Variants in NPSR1 observed in about 807,000 individuals in gnomAD.
The protein encoded by NPSR1 is neuropeptide S receptor.
In NPSR1, 48 loss-of-function variants were observed where a neutral mutation model predicts 46.9. The observed-to-expected ratio is 1.02, with a 90% confidence interval of 0.81 to 1.30. NPSR1 has a LOEUF of 1.30. Ranked by LOEUF, NPSR1 falls within the 50% of genes most tolerant of loss-of-function variation. The probability of loss-of-function intolerance (pLI) is 0.00; values close to 1 mark genes in which losing one functional copy is unlikely to be tolerated. For synonymous variants in NPSR1, 176 were observed against 168.1 expected (o/e 1.05, Z -0.36); for missense variants, 450 against 449.5 (o/e 1.00, Z -0.01).
At chr7:34,660,091 C>A (rs765051447) in intron 1 of NPSR1, 6 of 456,340 alleles carry the variant, frequency 1.3e-5, no homozygotes, top group South Asian at 9.3e-5. Flanking sequence ...TCCCACCTTG[C>A]TCTCTATGAG....
intron 2 of NPSR1, among the ~76,000 whole-genome samples, chr7:34,689,530 A>G (rs913557449): frequency 1.2e-4 from 16 of 133,110 alleles, no homozygotes; most frequent in Admixed American, 9.4e-4. Flanking sequence ...GCATGACCCC[A>G]GGAGGTGGAG....
chr7:34,741,152 G>A (rs150996700), intron 2 of NPSR1, among the ~76,000 whole-genome samples: 85 of 152,244 alleles, frequency 5.6e-4, no homozygotes, highest in Non-Finnish European at 1.0e-3. Context: ...TAGTAACATG[G>A]TGTCTTGGTA....
chr7:34,845,071 G>T (rs1790696772), intron 7 of NPSR1, 89 bp downstream of exon 7: 13 of 848,266 alleles, frequency 1.5e-5, no homozygotes, highest in Admixed American at 8.6e-5. Context: ...AAAGGAATTT[G>T]CCAGCAGGCA....
intron 8 of NPSR1, among the ~76,000 whole-genome samples, chr7:34,873,551 T>C (rs555281225): frequency 1.3e-5 from 2 of 151,670 alleles, no homozygotes; most frequent in Admixed American, 6.6e-5. Context: ...GAGGAGCCAA[T>C]GTGTCACATG....
At chr7:34,701,996 A>G (rs1793852185) in intron 2 of NPSR1, among the ~76,000 whole-genome samples, 1 of 152,192 alleles carries the variant, frequency 6.6e-6, no homozygotes, top group Non-Finnish European at 1.5e-5. Flanking sequence ...TAAGTTCATA[A>G]GGATTTATTT....
rs556648363 is a variant in NPSR1, at chr7:34,829,125, G to A, written c.680+1523G>A. ...GTCTAATAAAATACTATAGCTGGGAGAAACGTTATCCATCATATGGTCAAA... is the reference window on the plus strand; with the variant it reads ...GTCTAATAAAATACTATAGCTGGGAAAAACGTTATCCATCATATGGTCAAA... On this transcript the variant is annotated intron_variant, in intron 5 of 8. Coordinates refer to ENST00000360581, the MANE Select transcript of NPSR1 (RefSeq NM_207172.2). 2.0e-3 allele frequency among the ~76,000 whole-genome samples: 298 copies of A among 152,246 alleles called. 3 individuals are homozygous for A. The highest frequency in any genetic ancestry group is 6.9e-3 in the African/African-American group (285 of 41,536).
At chr7:34,689,620 A>AAAAAAG (rs1554306724) in intron 2 of NPSR1, among the ~76,000 whole-genome samples, 38 of 126,274 alleles carry the variant, frequency 3.0e-4, no homozygotes, top group African/African-American at 5.2e-4. Context: ...AAAAAAAAAA[A>AAAAAAG]AAAAAAAAAA....
chr7:34,684,641 GAAGTC>G lies in NPSR1; in HGVS notation c.241_245del (p.Ser81AsnfsTer25). 6.2e-6 allele frequency: 10 copies of G among 1,613,714 alleles called. No individual in the cohort carries two copies. Among genetic ancestry groups the G allele is most frequent in the Non-Finnish European group, 8.5e-6 (10 of 1,179,836 alleles). ...TTTTTTCCACATGGAGGAGAAAGAA[GAAGTC>G]AAGAATGACCTTCTTTGTGACTCAG... On this transcript the variant is annotated frameshift_variant, in exon 2 of 9. Coordinates refer to ENST00000360581, the MANE Select transcript of NPSR1 (RefSeq NM_207172.2). LOFTEE classifies it high-confidence loss of function.
intron 8 of NPSR1, among the ~76,000 whole-genome samples, chr7:34,856,267 A>G (rs1007676857): frequency 1.3e-5 from 2 of 151,892 alleles, no homozygotes; most frequent in South Asian, 2.1e-4. Flanking sequence ...ATACAGATAA[A>G]TTATTAGAAT....
At chr7:34,845,615 C>G (rs913878638) in intron 7 of NPSR1, 2 of 455,614 alleles carry the variant, frequency 4.4e-6, no homozygotes, top group African/African-American at 4.0e-5. Flanking sequence ...TATCCTTTTT[C>G]TAGTCTTTAC....
At chr7:34,798,445 G>C (rs1007788819) in intron 3 of NPSR1, among the ~76,000 whole-genome samples, 5 of 152,098 alleles carry the variant, frequency 3.3e-5, no homozygotes, top group South Asian at 4.2e-4. Context: ...TGAAGCAGGA[G>C]AATCTCTTGA....
intron 4 of NPSR1, among the ~76,000 whole-genome samples, chr7:34,814,440 A>G (rs1789144064): frequency 6.6e-6 from 1 of 152,240 alleles, no homozygotes; most frequent in Non-Finnish European, 1.5e-5. Context: ...TACTGCCTCT[A>G]TAGGCTCCAC....
chr7:34,796,397 C>T (rs1788172450), intron 3 of NPSR1, among the ~76,000 whole-genome samples: 2 of 151,988 alleles, frequency 1.3e-5, no homozygotes. Context: ...AAGCAAACCA[C>T]AGACTAAAGA....
At chr7:34,815,977 G>A (rs560609340) in intron 4 of NPSR1, among the ~76,000 whole-genome samples, 1 of 152,216 alleles carries the variant, frequency 6.6e-6, no homozygotes, top group South Asian at 2.1e-4. Flanking sequence ...AAATTGTAAA[G>A]ACCATTGATG....
At chr7:34,873,261 C>T (rs1002750963) in intron 8 of NPSR1, among the ~76,000 whole-genome samples, 4 of 151,838 alleles carry the variant, frequency 2.6e-5, no homozygotes, top group African/African-American at 9.7e-5. Context: ...TTCCTGTCTT[C>T]TTCTGAAACC....
At chr7:34,735,410 G>T (rs324392) in intron 2 of NPSR1, among the ~76,000 whole-genome samples, 3,284 of 151,164 alleles carry the variant, frequency 0.022, 109 homozygotes, top group African/African-American at 0.072. Context: ...CATCTCTCTT[G>T]TTTATTATCC....
intron 2 of NPSR1, among the ~76,000 whole-genome samples, chr7:34,706,445 T>A (rs997633790): frequency 1.3e-5 from 2 of 152,186 alleles, no homozygotes; most frequent in Non-Finnish European, 2.9e-5. Flanking sequence ...GTGGGAAGAA[T>A]AATTTATACT....
rs1019577238 is a variant in NPSR1, at chr7:34,780,600, G to C, written c.384+2035G>C. On this transcript the variant is annotated intron_variant, in intron 3 of 8. Coordinates refer to ENST00000360581, the MANE Select transcript of NPSR1 (RefSeq NM_207172.2). ...TATTCAGGAAAATGGCTGAATCTCA[G>C]TGAGAAAAATGAGCTTTGCGGTGCT... Among the ~76,000 whole-genome samples the C allele has an allele frequency of 2.0e-5, 3 of 152,122 alleles. No individual in the cohort carries two copies. The South Asian group carries it at 6.2e-4, about 31-fold the overall frequency.
intron 8 of NPSR1, among the ~76,000 whole-genome samples, chr7:34,873,145 A>G (rs566314169): frequency 2.0e-5 from 3 of 151,786 alleles, no homozygotes; most frequent in Non-Finnish European, 4.4e-5. Context: ...AGTTCCTAAT[A>G]ACTTCATTTC....
Sources: gnomAD v4.1 joint callset for allele counts (sites outside exome capture counted in the v4.1 genomes callset) on GRCh38, gnomAD v4.1.1 for gene constraint, MANE v1.5 for transcripts, NCBI Gene and HGNC (gene_info 2026-07-23, HGNC 2026-07-21) for gene names.